Variants in TCFL5 observed in about 807,000 individuals in gnomAD.
TCFL5 encodes the protein transcription factor like 5.
In TCFL5, 9 loss-of-function variants were observed where a neutral mutation model predicts 44.3. The ratio of observed to expected loss-of-function variants is 0.20; its 90% confidence interval spans 0.12 to 0.35. The LOEUF (loss-of-function observed/expected upper bound fraction) is 0.35. Ranked by LOEUF, TCFL5 falls within the 10% of genes least tolerant of loss-of-function variation. TCFL5 has a pLI of 1.00. For missense variants in TCFL5, 603 were observed against 613.4 expected, an observed-to-expected ratio of 0.98 and a Z score of 0.18; for synonymous variants, 319 against 271.6, an observed-to-expected ratio of 1.17 and a Z score of -1.72.
At chr20:62,845,834 G>C (rs879020752) in intron 5 of TCFL5, 2 of 1,595,646 alleles carry the variant, frequency 1.3e-6, no homozygotes, top group South Asian at 2.2e-5. Flanking sequence ...TTATAAAAGT[G>C]ATTTATGACA....
intron 2 of TCFL5, 81 bp downstream of exon 2, chr20:62,860,044 G>C: frequency 7.2e-7 from 1 of 1,397,574 alleles, no homozygotes; most frequent in South Asian, 1.4e-5. Flanking sequence ...GGAAAAAAAA[G>C]TACTTGGGAC....
rs568152991 is a variant in TCFL5 at position 62,857,271 on chromosome 20, G to A, written c.1238+124C>T. ...CCTTGATCCATCTGGGAAAGCTAAC[G>A]ATGCTCCTACCTGCTTTATTCCCTC... On this transcript the variant is annotated intron_variant, in intron 4 of 5. Transcript: ENST00000335351. 2.3e-5 allele frequency: 32 copies of A among 1,362,850 alleles called. No individual in the cohort carries two copies. The African/African-American group carries it at 2.5e-4, about 10-fold the overall frequency. The allele number at this position is 1,362,850 out of a possible 1,614,324, so 84.4% of individuals were successfully genotyped here. A position where few individuals can be genotyped will look rare whatever the true frequency, so the allele number is the denominator to read the frequency against.
At chr20:62,845,940 A>G (rs2063737389) in intron 5 of TCFL5, 2 of 1,477,842 alleles carry the variant, frequency 1.4e-6, no homozygotes, top group East Asian at 2.9e-5. Context: ...CGAACCCTGA[A>G]CAGCTGGAAA....
At chr20:62,844,878 G>A in intron 5 of TCFL5, 4 of 985,276 alleles carry the variant, frequency 4.1e-6, no homozygotes, top group Non-Finnish European at 4.8e-6. Context: ...TTACAGGCGG[G>A]AGCCACGGTT....
rs967601472 is a variant in TCFL5, at chr20:62,855,777, A to AAAAT, written c.1238+1614_1238+1617dup. Among the ~76,000 whole-genome samples, 4 of 152,254 alleles carry AAAAT rather than the reference A, an allele frequency of 2.6e-5. No homozygotes were observed. The South Asian group carries it at 8.3e-4, about 32-fold the overall frequency. On this transcript the variant is annotated intron_variant, in intron 4 of 5. Transcript: ENST00000335351. The stretch of plus-strand genomic sequence containing the variant: ...GTAAATCTCCATCTCACCAAATAAA[A>AAAAT]AAATAAATAAATAAATAAATTGCCT...
chr20:62,855,564 C>A (rs894610723), intron 4 of TCFL5, among the ~76,000 whole-genome samples: 1 of 152,070 alleles, frequency 6.6e-6, no homozygotes, highest in Admixed American at 6.6e-5. Context: ...GTGAGGAGTT[C>A]GAGACCAGCC....
chr20:62,859,079 G>T (rs1217486495), intron 3 of TCFL5, among the ~76,000 whole-genome samples: 1 of 152,158 alleles, frequency 6.6e-6, no homozygotes, highest in East Asian at 1.9e-4. Context: ...TCAGTAACTT[G>T]AAAATAACTG....
At chr20:62,856,267 A>G (rs201735896) in intron 4 of TCFL5, among the ~76,000 whole-genome samples, 1 of 150,876 alleles carries the variant, frequency 6.6e-6, no homozygotes. Flanking sequence ...AAAAAAAAAA[A>G]AAAGAAAAAG....
At position 62,852,546 on chromosome 20, in the gene TCFL5, G is replaced by A. The variant is rs561870187; in HGVS notation, c.1380+1470C>T. 8 of 985,472 alleles carry A rather than the reference G, an allele frequency of 8.1e-6. No individual in the cohort carries two copies. In the South Asian group the frequency reaches 1.4e-4, roughly 17 times the overall value. 61.0% of individuals were successfully genotyped at this position (985,472 alleles called of 1,614,324 possible). ...ATGGCTTGCTGCAGGCCACTGCCAC[G>A]ACCACACAGACAGGATCACGGCAGG... On this transcript the variant is annotated intron_variant, in intron 5 of 5. Coordinates refer to ENST00000335351, the MANE Select transcript of TCFL5 (RefSeq NM_006602.4).
In TCFL5 at chr20:62,842,916, T is replaced by C. The variant is rs1177615530; in HGVS notation, c.1381-819A>G. Among the ~76,000 whole-genome samples, 1 of 152,174 alleles carries C rather than the reference T, an allele frequency of 6.6e-6. No homozygotes were observed. The highest frequency in any genetic ancestry group is 1.5e-5 in the Non-Finnish European group (1 of 68,028). On this transcript the variant is annotated intron_variant, in intron 5 of 5. Coordinates refer to ENST00000335351, the MANE Select transcript of TCFL5 (RefSeq NM_006602.4). The surrounding 1 kb of genome is among the most constrained non-coding windows in gnomAD (Gnocchi z 4.3). ...GCTGCTCGCTGAGATGGCTCTGTCC[T>C]TGGGGAGACCCTGCCAGCAGGGTGG...
At chr20:62,849,418 C>T (rs543314136) in intron 5 of TCFL5, among the ~76,000 whole-genome samples, 15 of 152,288 alleles carry the variant, frequency 9.8e-5, no homozygotes, top group African/African-American at 3.4e-4. Context: ...TCTAGACAAC[C>T]GGCCTGATCT....
At chr20:62,843,046 G>A (rs2063697313) in intron 5 of TCFL5, among the ~76,000 whole-genome samples, 1 of 152,250 alleles carries the variant, frequency 6.6e-6, no homozygotes, top group African/African-American at 2.4e-5. Context: ...GAGAGGAAGA[G>A]AGGGGCACAG....
intron 4 of TCFL5, among the ~76,000 whole-genome samples, 161 bp downstream of exon 4, chr20:62,857,234 A>G (rs534988125): frequency 7.0e-4 from 106 of 152,290 alleles, no homozygotes; most frequent in African/African-American, 2.5e-3. Flanking sequence ...GCCTGGGCAT[A>G]GTCTGGGGGA....
intron 5 of TCFL5, among the ~76,000 whole-genome samples, chr20:62,847,271 C>G (rs1274722654): frequency 6.6e-6 from 1 of 151,448 alleles, no homozygotes; most frequent in African/African-American, 2.4e-5. Context: ...CAAAAGCACA[C>G]CAGGACAAAT....
intron 5 of TCFL5, chr20:62,845,921 T>G (rs1437495255): frequency 6.6e-7 from 1 of 1,505,090 alleles, no homozygotes; most frequent in Admixed American, 2.0e-5. Context: ...AAGGAAGCCT[T>G]CAGGAATCCG....
intron 5 of TCFL5, among the ~76,000 whole-genome samples, chr20:62,849,586 G>C (rs1010618837): frequency 6.6e-6 from 1 of 152,014 alleles, no homozygotes; most frequent in Non-Finnish European, 1.5e-5. Context: ...ATTTTGGCTG[G>C]GTGTGGTGGT....
rs1162136836 is a variant in TCFL5 at position 62,861,064 on chromosome 20, G to C, written c.607C>G (p.Arg203Gly). 1.0e-6 allele frequency: 1 copy of C among 995,426 alleles called. No individual in the cohort carries two copies. Among genetic ancestry groups the C allele is most frequent in the African/African-American group, 1.8e-5 (1 of 56,946 alleles). 61.7% of individuals were successfully genotyped at this position (995,426 alleles called of 1,614,324 possible). A position where few individuals can be genotyped will look rare whatever the true frequency, so the allele number is the denominator to read the frequency against. Residue 203 changes from arginine (R) to glycine (G), a missense_variant, in exon 1 of 6, where the codon CGC becomes GGC. Arg to Gly is a moderately radical substitution (Grantham distance 125). Coordinates refer to ENST00000335351, the MANE Select transcript of TCFL5 (RefSeq NM_006602.4). This position sits in a 1 kb window ranked among gnomAD's most constrained non-coding sequence, Gnocchi z 4.0. ...CCCGGCTCGGGGGGCTCGGGGCCGC[G>C]CGGCGCGGGCGGCGGCTCGGCGGGG... ...SIPAEPPPAP[R>G]GPEPPEPGGA...
intron 5 of TCFL5, among the ~76,000 whole-genome samples, chr20:62,843,536 A>C (rs1276225076): frequency 6.6e-6 from 1 of 152,178 alleles, no homozygotes; most frequent in Non-Finnish European, 1.5e-5. Context: ...GAAAATTTCC[A>C]TAAGTTGGTT....
At chr20:62,855,827 T>C (rs1414635347) in intron 4 of TCFL5, among the ~76,000 whole-genome samples, 5 of 152,168 alleles carry the variant, frequency 3.3e-5, no homozygotes, top group African/African-American at 4.8e-5. Context: ...ACCTTGGAGC[T>C]TCAAACCTGA....
Sources: allele counts gnomAD v4.1 joint callset (sites outside exome capture counted in the v4.1 genomes callset), GRCh38; gene constraint gnomAD v4.1.1; non-coding constraint Gnocchi (gnomAD v3.1); transcripts MANE v1.5; gene names NCBI Gene and HGNC (gene_info 2026-07-23, HGNC 2026-07-21).